Variants in CNTN5 observed in about 807,000 individuals in gnomAD.
CNTN5 encodes the protein contactin 5.
In CNTN5, 77 loss-of-function variants were observed where a neutral mutation model predicts 129.1. That is an observed-to-expected ratio of 0.60 (90% CI 0.50 to 0.72). The LOEUF is 0.72. Ranked by LOEUF, CNTN5 falls within the 30% of genes least tolerant of loss-of-function variation. The pLI is 0.00. For synonymous variants in CNTN5, 509 were observed against 465.6 expected, an observed-to-expected ratio of 1.09 and a Z score of -1.20; for missense variants, 1,478 against 1,328.8, an observed-to-expected ratio of 1.11 and a Z score of -1.75.
At chr11:99,035,809 C>T (rs1863691109) in intron 1 of CNTN5, among the ~76,000 whole-genome samples, 3 of 149,136 alleles carry the variant, frequency 2.0e-5, no homozygotes, top group South Asian at 2.2e-4. Flanking sequence ...TTGATCCTGT[C>T]ATTATGATGT....
intron 1 of CNTN5, among the ~76,000 whole-genome samples, chr11:99,036,863 C>T (rs1863760913): frequency 6.6e-6 from 1 of 152,122 alleles, no homozygotes; most frequent in Admixed American, 6.5e-5. Flanking sequence ...CCTATGGTTC[C>T]TACCCATTCG....
intron 3 of CNTN5, among the ~76,000 whole-genome samples, chr11:99,645,259 CAACAAAAAAAAAA>C (rs1951913857): frequency 1.5e-5 from 1 of 67,912 alleles, no homozygotes; most frequent in Non-Finnish European, 2.6e-5. Context: ...GGCTCCATCT[CAACAAAAAAAAAA>C]AAAAAAAAAA....
intron 9 of CNTN5, among the ~76,000 whole-genome samples, chr11:100,055,281 C>G (rs1434862174): frequency 1.3e-5 from 2 of 151,620 alleles, no homozygotes; most frequent in Non-Finnish European, 3.0e-5. Context: ...TAGCTTATGA[C>G]TTCTTTTTTT....
At chr11:99,147,005 G>C (rs954627890) in intron 1 of CNTN5, among the ~76,000 whole-genome samples, 1 of 152,166 alleles carries the variant, frequency 6.6e-6, no homozygotes, top group Admixed American at 6.5e-5. Context: ...AAAGGCATGA[G>C]TCGATGCATT....
At chr11:99,430,980 G>T (rs1432751373) in intron 2 of CNTN5, among the ~76,000 whole-genome samples, 1 of 145,972 alleles carries the variant, frequency 6.9e-6, no homozygotes, top group African/African-American at 2.5e-5. Flanking sequence ...AAAAATTTTT[G>T]GATCCTTTTT....
At chr11:99,977,651 T>G (rs1273466960) in intron 8 of CNTN5, among the ~76,000 whole-genome samples, 1 of 152,082 alleles carries the variant, frequency 6.6e-6, no homozygotes. Flanking sequence ...CAAATCTTGT[T>G]AGAACTCTCA....
chr11:99,845,053 A>T (rs1299829322), intron 5 of CNTN5, 34 bp from the exon 6 acceptor site: 3 of 1,611,526 alleles, frequency 1.9e-6, no homozygotes, highest in African/African-American at 1.3e-5. Context: ...CTCAGGGAGG[A>T]TTATACATAT....
intron 6 of CNTN5, among the ~76,000 whole-genome samples, chr11:99,903,635 G>A (rs1298783889): frequency 6.6e-6 from 1 of 152,076 alleles, no homozygotes; most frequent in African/African-American, 2.4e-5. Flanking sequence ...AAGAAACATA[G>A]CAGAGGGAAA....
chr11:99,965,076 G>A (rs141173123), intron 8 of CNTN5, among the ~76,000 whole-genome samples: 21,779 of 151,838 alleles, frequency 0.14, 1,750 homozygotes, highest in Middle Eastern at 0.21. Context: ...TCTTGCTAGC[G>A]GTCTATTAAT....
At chr11:99,391,641 T>C (rs1227825420) in intron 2 of CNTN5, among the ~76,000 whole-genome samples, 3 of 152,030 alleles carry the variant, frequency 2.0e-5, no homozygotes, top group Non-Finnish European at 4.4e-5. Flanking sequence ...ATTCATAATA[T>C]AGAAAGGTGA....
chr11:99,278,008 T>C (rs1319809477), intron 1 of CNTN5, among the ~76,000 whole-genome samples: 1 of 151,746 alleles, frequency 6.6e-6, no homozygotes, highest in Non-Finnish European at 1.5e-5. Context: ...AGCACGGGTT[T>C]CAAATACAAA....
intron 6 of CNTN5, among the ~76,000 whole-genome samples, chr11:99,866,149 G>A (rs1363007820): frequency 6.6e-6 from 1 of 152,022 alleles, no homozygotes; most frequent in East Asian, 1.9e-4. Flanking sequence ...AGACTATTTG[G>A]GTGTTTTCCA....
intron 3 of CNTN5, among the ~76,000 whole-genome samples, chr11:99,746,523 A>G (rs989499610): frequency 3.3e-5 from 5 of 152,094 alleles, no homozygotes; most frequent in African/African-American, 1.2e-4. Context: ...CAGACAAGCA[A>G]GCATTACTGC....
intron 1 of CNTN5, among the ~76,000 whole-genome samples, chr11:99,154,064 G>A (rs550354316): frequency 2.0e-5 from 3 of 152,202 alleles, no homozygotes; most frequent in Admixed American, 6.5e-5. Context: ...AAAACACTCC[G>A]ATGGATTGTG....
chr11:99,994,695 G>A (rs1019667270), intron 8 of CNTN5, among the ~76,000 whole-genome samples: 10 of 152,138 alleles, frequency 6.6e-5, no homozygotes, highest in East Asian at 1.9e-4. Flanking sequence ...CAGGGAAATC[G>A]GAAATTAAGT....
At chr11:99,775,569 G>A (rs1945095456) in intron 3 of CNTN5, among the ~76,000 whole-genome samples, 1 of 151,844 alleles carries the variant, frequency 6.6e-6, no homozygotes, top group Admixed American at 6.6e-5. Flanking sequence ...GATAATTACT[G>A]GAAAAATAAT....
At chr11:99,795,986 G>T (rs1433991961) in intron 3 of CNTN5, among the ~76,000 whole-genome samples, 1 of 152,212 alleles carries the variant, frequency 6.6e-6, no homozygotes. Flanking sequence ...AGAGGGTGGA[G>T]TGCATGTGCA....
chr11:99,397,007 T>C (rs925290634), intron 2 of CNTN5, among the ~76,000 whole-genome samples: 7 of 151,682 alleles, frequency 4.6e-5, no homozygotes, highest in Non-Finnish European at 5.9e-5. Context: ...TCTCAAAAAG[T>C]TTGACAAATT....
intron 4 of CNTN5, among the ~76,000 whole-genome samples, chr11:99,829,928 C>G (rs780534594): frequency 1.2e-4 from 19 of 152,142 alleles, no homozygotes; most frequent in Non-Finnish European, 2.4e-4. Flanking sequence ...GTTCCTCCCT[C>G]TATAAATATA....
Sources: allele counts gnomAD v4.1 joint callset (sites outside exome capture counted in the v4.1 genomes callset), GRCh38; gene constraint gnomAD v4.1.1; transcripts MANE v1.5; gene names NCBI Gene and HGNC (gene_info 2026-07-23, HGNC 2026-07-21).